FRMD4A: variants seen among roughly 807,000 people sequenced by gnomAD.
FRMD4A encodes the protein FERM domain containing 4A, also known as FERM domain-containing protein 4A.
Under a neutral mutation model 129.1 loss-of-function variants are expected in FRMD4A, and 29 were observed. The ratio of observed to expected loss-of-function variants is 0.22; its 90% CI spans 0.17 to 0.31. The LOEUF (loss-of-function observed/expected upper bound fraction) is 0.31, where lower values mean the gene tolerates loss of function less well. FRMD4A is among the 10% of genes least tolerant of loss of function. The pLI, the probability that FRMD4A is intolerant of heterozygous loss-of-function variation, is 1.00. For synonymous variants in FRMD4A, 634 were observed against 571.6 expected (o/e 1.11, Z -1.56); for missense variants, 1,272 against 1,375.8 (o/e 0.92, Z 1.19).
At chr10:13,649,800 A>G (rs999429270) in intron 24 of FRMD4A, among the ~76,000 whole-genome samples, 8 of 152,218 alleles carry the variant, frequency 5.3e-5, no homozygotes, top group Non-Finnish European at 1.0e-4. Flanking sequence ...GTGCTACGAA[A>G]GAGACCCTTA....
At position 13,685,261 on chromosome 10, in the gene FRMD4A, T is replaced by C. The variant is rs146241450; in HGVS notation, c.1117+8637A>G. On this transcript the variant is annotated intron_variant, in intron 15 of 24. Transcript: ENST00000357447. ...AAGCTCTTTGAAAACCAAGCACCTT[T>C]TGATGGTGGCTGGGAGTCTCTGGAA... 384 of 985,226 alleles carry C rather than the reference T, an allele frequency of 3.9e-4. 1 individual carries two copies. In the African/African-American group the frequency reaches 6.2e-3, roughly 16 times the overall value. 61.0% of individuals were successfully genotyped at this position (985,226 alleles called of 1,614,324 possible).
At chr10:13,835,958 G>A (rs1299866029) in intron 3 of FRMD4A, among the ~76,000 whole-genome samples, 1 of 152,174 alleles carries the variant, frequency 6.6e-6, no homozygotes, top group East Asian at 1.9e-4. Flanking sequence ...TATTTAGAGA[G>A]TGTCTACTAT....
chr10:13,910,424 A>C (rs1235674757), intron 2 of FRMD4A, among the ~76,000 whole-genome samples: 1 of 152,222 alleles, frequency 6.6e-6, no homozygotes, highest in Non-Finnish European at 1.5e-5. Flanking sequence ...CAGATGCATG[A>C]GGGAGAGGAG....
At position 14,229,155 on chromosome 10, in the gene FRMD4A, G is replaced by A. The variant is rs184801908; in HGVS notation, c.45+100903C>T. ...ACCAGGCCTTTTGAATGGTGGGAGG[G>A]GAAGAGACCCTGAACTCATTTCCAG... On this transcript the variant is annotated intron_variant, in intron 2 of 24. Coordinates refer to ENST00000357447, the MANE Select transcript of FRMD4A (RefSeq NM_018027.5). Among the ~76,000 whole-genome samples, 35 of 151,546 alleles carry A rather than the reference G, an allele frequency of 2.3e-4. No individual in the cohort carries two copies. The East Asian group carries it at 6.4e-3, about 28-fold the overall frequency.
intron 12 of FRMD4A, among the ~76,000 whole-genome samples, chr10:13,708,467 G>A (rs1216579493): frequency 5.3e-5 from 8 of 152,196 alleles, no homozygotes; most frequent in Non-Finnish European, 1.2e-4. Flanking sequence ...TTTTGTCTGC[G>A]TTAAGTACTG....
intron 2 of FRMD4A, among the ~76,000 whole-genome samples, chr10:14,018,815 G>T (rs1229086147): frequency 2.0e-4 from 31 of 152,108 alleles, no homozygotes; most frequent in Admixed American, 2.0e-3. Flanking sequence ...AAGAGGGGAA[G>T]ATTTGGGGAG....
chr10:14,029,299 C>G (rs886181012), intron 2 of FRMD4A, among the ~76,000 whole-genome samples: 2 of 152,000 alleles, frequency 1.3e-5, no homozygotes, highest in African/African-American at 4.8e-5. Context: ...AGGCATGAAG[C>G]TGGTCTCTCC....
At chr10:13,684,789 A>C (rs1415610068) in intron 15 of FRMD4A, 1 of 985,022 alleles carries the variant, frequency 1.0e-6, no homozygotes, top group African/African-American at 1.7e-5. Flanking sequence ...ACTTCAAAGC[A>C]AACAATGCTC....
intron 2 of FRMD4A, among the ~76,000 whole-genome samples, chr10:14,213,859 A>G (rs903329604): frequency 1.4e-4 from 22 of 152,214 alleles, no homozygotes; most frequent in African/African-American, 5.3e-4. Flanking sequence ...GGTAGTGAAT[A>G]AGTCTCCTGA....
chr10:13,673,561 T>TGCACACATGTGCATGCGTGCGCGCGC (rs1226856190), intron 16 of FRMD4A, among the ~76,000 whole-genome samples: 48 of 151,854 alleles, frequency 3.2e-4, no homozygotes, highest in Non-Finnish European at 5.6e-4. Context: ...ATGTGCACAA[T>TGCACACATGTGCATGCGTGCGCGCGC]GCACACATGT....
At chr10:13,733,673 C>T (rs562311774) in intron 12 of FRMD4A, among the ~76,000 whole-genome samples, 6 of 152,296 alleles carry the variant, frequency 3.9e-5, no homozygotes, top group Admixed American at 6.5e-5. Context: ...GTGATCTGTC[C>T]GCCTCGGCCT....
chr10:13,672,670 G>A (rs1410163577), intron 16 of FRMD4A, among the ~76,000 whole-genome samples: 1 of 152,106 alleles, frequency 6.6e-6, no homozygotes, highest in African/African-American at 2.4e-5. Context: ...CTGCAGTGGG[G>A]CCTCGGCTTG....
At chr10:13,861,105 G>A (rs186005077) in intron 2 of FRMD4A, among the ~76,000 whole-genome samples, 61 of 152,320 alleles carry the variant, frequency 4.0e-4, no homozygotes, top group Non-Finnish European at 6.8e-4. Flanking sequence ...TCACGGCTCA[G>A]TCCCACCCAG....
chr10:14,142,559 A>G (rs7088074), intron 2 of FRMD4A, among the ~76,000 whole-genome samples: 53,942 of 152,134 alleles, frequency 0.35, 9,778 homozygotes, highest in East Asian at 0.51. Flanking sequence ...GTGTACAATA[A>G]GCAACTCAAA....
intron 12 of FRMD4A, 39 bp from the exon 13 acceptor site, chr10:13,707,152 C>T (rs368489517): frequency 4.3e-6 from 5 of 1,150,224 alleles, no homozygotes; most frequent in Admixed American, 1.7e-5. Flanking sequence ...TCAGGAGGGG[C>T]TGGCTCCTGG....
intron 2 of FRMD4A, among the ~76,000 whole-genome samples, chr10:14,026,859 G>A (rs1035982554): frequency 3.3e-5 from 5 of 152,258 alleles, no homozygotes; most frequent in Non-Finnish European, 7.3e-5. Flanking sequence ...AGACTAGGGG[G>A]AGGGTATGTA....
Position 13,790,582 on chromosome 10 carries a change from C to A in FRMD4A, c.299+5914G>T, listed in dbSNP as rs11258615. Among the ~76,000 whole-genome samples the A allele has an allele frequency of 4.5e-3, 688 of 152,272 alleles. 7 individuals are homozygous for A. The highest frequency in any genetic ancestry group is 0.016 in the African/African-American group (663 of 41,552). On this transcript the variant is annotated intron_variant, in intron 5 of 24. Transcript: ENST00000357447. ...GGTGGCCCAGGAGAGTGTAGTGCCA[C>A]AGAGCCGGGGGAACTGAAAGGGAGC...
chr10:13,862,478 C>T (rs2094308004), intron 2 of FRMD4A, among the ~76,000 whole-genome samples: 1 of 152,210 alleles, frequency 6.6e-6, no homozygotes. Flanking sequence ...ACCTTATCTG[C>T]TCAGCAATTT....
At chr10:14,251,321 A>G (rs886350042) in intron 2 of FRMD4A, among the ~76,000 whole-genome samples, 4 of 152,242 alleles carry the variant, frequency 2.6e-5, no homozygotes, top group Non-Finnish European at 1.5e-5. Context: ...TTACTAACCC[A>G]GGGGAGGCCA....
Sources: gnomAD v4.1 joint callset for allele counts (sites outside exome capture counted in the v4.1 genomes callset) on GRCh38, gnomAD v4.1.1 for gene constraint, MANE v1.5 for transcripts, NCBI Gene and HGNC (gene_info 2026-07-23, HGNC 2026-07-21) for gene names.